The following CDKN1C variants were observed in gnomAD, a reference collection of about 807,000 sequenced individuals.
The protein encoded by CDKN1C is cyclin dependent kinase inhibitor 1C, also known as cyclin-dependent kinase inhibitor 1C.
A neutral mutation model predicts 16.5 loss-of-function variants in CDKN1C; 7 were observed. The ratio of observed to expected loss-of-function variants is 0.42; its 90% CI spans 0.24 to 0.80. The LOEUF is 0.80. Ranked by LOEUF, CDKN1C falls within the 30% of genes least tolerant of loss-of-function variation. The probability of loss-of-function intolerance (pLI) is 0.26; values close to 1 mark genes in which losing one functional copy is unlikely to be tolerated. For synonymous variants in CDKN1C, 288 were observed against 214.4 expected (o/e 1.34, Z -3.00); for missense variants, 429 against 437.3 (o/e 0.98, Z 0.17).
In CDKN1C at chr11:2,884,850, G is replaced by T. The variant is rs562237921; in HGVS notation, c.607C>A (p.Pro203Thr). The T allele has an allele frequency of 3.5e-6, 4 of 1,136,614 alleles. No homozygotes were observed. Among genetic ancestry groups the T allele is most frequent in the Admixed American group, 4.9e-5 (1 of 20,592 alleles). The allele number at this position is 1,136,614 out of a possible 1,614,324, so 70.4% of individuals were successfully genotyped here. ...TCTTGAGGCGCCGCGTCCGGGGCCG[G>T]GGCCGGGGCGGGGGCCGGGGCCGGG... Reference protein sequence around the residue: ...PAPAPAPAPAPAPDAAPQESA... With the variant: ...PAPAPAPAPATAPDAAPQESA... Residue 203 changes from proline to threonine, a missense_variant, in exon 2 of 4, where the codon CCG (proline) becomes ACG (threonine). Pro to Thr is a conservative substitution (Grantham distance 38). Transcript: ENST00000440480.
chr11:2,883,824 T>C lies in CDKN1C; in HGVS notation c.*97A>G. ...GCTGCTCTGCGGCAGCCGCCGCCGG[T>C]TGCTGCTACATGAACGGTCCCAGCC... On this transcript the variant is annotated 3_prime_UTR_variant, in exon 4 of 4. Transcript: ENST00000440480. 1.3e-6 allele frequency: 2 copies of C among 1,527,508 alleles called. No individual in the cohort carries two copies. Among genetic ancestry groups the C allele is most frequent in the Non-Finnish European group, 1.8e-6 (2 of 1,141,058 alleles). 94.6% of individuals were successfully genotyped at this position (1,527,508 alleles called of 1,614,324 possible).
In CDKN1C at chr11:2,883,706, A is replaced by G; in HGVS notation, c.*215T>C. On this transcript the variant is annotated 3_prime_UTR_variant, in exon 4 of 4. Transcript: ENST00000440480. The stretch of plus-strand genomic sequence containing the variant: ...GACTCTTAAAGCTTTACACCTTGGG[A>G]CCAGTGTACCTTCTCGTGCAGAATA... 8.4e-7 allele frequency: 1 copy of G among 1,190,280 alleles called. No homozygotes were observed. Among genetic ancestry groups the G allele is most frequent in the Non-Finnish European group, 1.1e-6 (1 of 903,298 alleles). 73.7% of individuals were successfully genotyped at this position (1,190,280 alleles called of 1,614,324 possible).
Position 2,885,430 on chromosome 11 carries a change from G to A in CDKN1C, c.27C>T (p.Thr9=). 1 of 1,549,250 alleles carries A rather than the reference G, an allele frequency of 6.5e-7. No homozygotes were observed. The highest frequency in any genetic ancestry group is 8.7e-7 in the Non-Finnish European group (1 of 1,149,346). Residue 9 remains threonine, a synonymous_variant, in exon 2 of 4, where the codon ACC becomes ACT. Transcript: ENST00000440480. ...CGCTGGTGCGCACTAGTACTGGGAA[G>A]GTCCCACGGGCGACAAGACGCTCCA... MERLVARG[T]FPVLVRTSAC...
Position 2,883,601 on chromosome 11 carries a change from T to A in CDKN1C, c.*320A>T. 1 of 541,226 alleles carries A rather than the reference T, an allele frequency of 1.8e-6. No homozygotes were observed. Among genetic ancestry groups the A allele is most frequent in the Non-Finnish European group, 2.9e-6 (1 of 344,300 alleles). 33.5% of individuals were successfully genotyped at this position (541,226 alleles called of 1,614,324 possible). A position where few individuals can be genotyped will look rare whatever the true frequency, so the allele number is the denominator to read the frequency against. ...AACTTTTTGTACAAATATACATGGT[T>A]TTTTTATTTTTTCCTTTTTTTTTTC... On this transcript the variant is annotated 3_prime_UTR_variant, in exon 4 of 4. Coordinates refer to ENST00000440480, the MANE Select transcript of CDKN1C (RefSeq NM_001122630.2).
At position 2,883,942 on chromosome 11, in the gene CDKN1C, G is replaced by GCCGGCGGGGAC. The variant is rs372424726; in HGVS notation, c.*6-38_*6-28dup. ...TGCGAGGAGAGGGGCGGTCAGCAAAGCCGGCGGGGACCCGGCGGGTCGGCC... is the reference window on the plus strand; with the variant it reads ...TGCGAGGAGAGGGGCGGTCAGCAAAGCCGGCGGGGACCCGGCGGGGACCCGGCGGGTCGGCC... On this transcript the variant is annotated intron_variant, in intron 3 of 3. Transcript: ENST00000440480. 4.6e-3 allele frequency: 7,307 copies of GCCGGCGGGGAC among 1,587,486 alleles called. 19 individuals are homozygous for GCCGGCGGGGAC. The highest frequency in any genetic ancestry group is 5.9e-3 in the Non-Finnish European group (6,837 of 1,168,404).
In CDKN1C at chr11:2,884,905, G is replaced by A. The variant is rs1590149737; in HGVS notation, c.552C>T (p.Val184=). The change falls in exon 2 of 4, where the codon GTC becomes GTT. Residue 184 remains valine (V), a synonymous_variant. Transcript: ENST00000440480. The stretch of plus-strand genomic sequence containing the variant: ...GGGCCGGGGCTGGGGCCGGGGCCGC[G>A]ACTGGAGCCGGGGCCGGAGCCGGAG... ...APAPAPAPAP[V]AAPAPAPAPA... 2 of 873,232 alleles carry A rather than the reference G, an allele frequency of 2.3e-6. No homozygotes were observed. Among genetic ancestry groups the A allele is most frequent in the Non-Finnish European group, 1.4e-6 (1 of 718,836 alleles). 54.1% of individuals were successfully genotyped at this position (873,232 alleles called of 1,614,324 possible). A position where few individuals can be genotyped will look rare whatever the true frequency, so the allele number is the denominator to read the frequency against.
chr11:2,885,585 G>A (rs1848989986), intron 1 of CDKN1C, 49 bp downstream of exon 1: 5 of 1,447,418 alleles, frequency 3.5e-6, no homozygotes, highest in South Asian at 1.3e-5. Context: ...GGGCGCAAGG[G>A]AGACCCCGCG....
Position 2,885,111 on chromosome 11 carries a change from C to T in CDKN1C, c.346G>A (p.Asp116Asn), listed in dbSNP as rs1848960618. ...PPLEPAAESL[D>N]GLEEAPEQLP... ...TGCTCCGGCGCCTCCTCGAGGCCGT[C>T]GAGGGACTCAGCGGCCGGCTCGAGG... The change falls in exon 2 of 4, where the codon GAC becomes AAC. Residue 116 changes from aspartate (D) to asparagine (N), a missense_variant. Physicochemically the swap from Asp to Asn is conservative, Grantham distance 23. Transcript: ENST00000440480. 1 of 1,458,300 alleles carries T rather than the reference C, an allele frequency of 6.9e-7. No homozygotes were observed. The highest frequency in any genetic ancestry group is 2.4e-4 in the Middle Eastern group (1 of 4,238). 90.3% of individuals were successfully genotyped at this position (1,458,300 alleles called of 1,614,324 possible).
chr11:2,884,217 G>C (rs1241069540), intron 2 of CDKN1C, 83 bp from the exon 3 acceptor site: 145 of 1,105,092 alleles, frequency 1.3e-4, no homozygotes, highest in Non-Finnish European at 1.5e-4. Context: ...CGCGGGGCGC[G>C]GGCCGGCCGG....
At position 2,883,426 on chromosome 11, in the gene CDKN1C, G is replaced by A. The variant is rs1372869763; in HGVS notation, c.*495C>T. ...AGCTTGTGAGTGACCCCCTTCCCCAGAGTCCGCGATGAAAATAAAGTTACA... is the reference window on the plus strand; with the variant it reads ...AGCTTGTGAGTGACCCCCTTCCCCAAAGTCCGCGATGAAAATAAAGTTACA... On this transcript the variant is annotated 3_prime_UTR_variant, in exon 4 of 4. Transcript: ENST00000440480. 6.1e-6 allele frequency: 1 copy of A among 164,478 alleles called. No individual in the cohort carries two copies. The highest frequency in any genetic ancestry group is 1.3e-5 in the Non-Finnish European group (1 of 76,394). The allele number at this position is 164,478 out of a possible 1,614,324, so 10.2% of individuals were successfully genotyped here. A position where few individuals can be genotyped will look rare whatever the true frequency, so the allele number is the denominator to read the frequency against.
Position 2,885,489 on chromosome 11 carries a change from T to C in CDKN1C, c.-10-23A>G, listed in dbSNP as rs1848984724. Reference sequence around the variant, plus strand: ...GTGCTGCGGAGGGACGCGTCGGACATGGCCCGGGGCTGCGCAAACGCGGGC... The same window carrying C: ...GTGCTGCGGAGGGACGCGTCGGACACGGCCCGGGGCTGCGCAAACGCGGGC... On this transcript the variant is annotated intron_variant, in intron 1 of 3. Transcript: ENST00000440480. 1 of 1,542,266 alleles carries C rather than the reference T, an allele frequency of 6.5e-7. No individual in the cohort carries two copies. The highest frequency in any genetic ancestry group is 8.7e-7 in the Non-Finnish European group (1 of 1,146,726).
chr11:2,884,020 C>A lies in CDKN1C; in HGVS notation c.902G>T (p.Arg301Leu). The A allele has an allele frequency of 1.3e-6, 2 of 1,558,148 alleles. No homozygotes were observed. Among genetic ancestry groups the A allele is most frequent in the African/African-American group, 1.4e-5 (1 of 73,754 alleles). Reference protein sequence around the residue: ...PGVGSVEQTPRKRLR With the variant: ...PGVGSVEQTPLKRLR ...TCACTTGGCTCACCGCAGCCTCTTG[C>A]GCGGGGTCTGCTCCACCGAGCCCAC... is the stretch of plus-strand genomic sequence containing the variant. Residue 301 changes from arginine to leucine, a missense_variant, in exon 3 of 4, where the codon CGC (arginine) becomes CTC (leucine). Arg to Leu is a moderately radical substitution (Grantham distance 102, BLOSUM62 -2). Transcript: ENST00000440480.
rs1848977184 is a variant in CDKN1C at position 2,885,357 on chromosome 11, C to T, written c.100G>A (p.Glu34Lys). 2 of 1,589,388 alleles carry T rather than the reference C, an allele frequency of 1.3e-6. No homozygotes were observed. The highest frequency in any genetic ancestry group is 1.7e-6 in the Non-Finnish European group (2 of 1,170,496). Residue 34 changes from glutamate (E) to lysine (K), a missense_variant, in exon 2 of 4, where the codon GAG becomes AAG. Coordinates refer to ENST00000440480, the MANE Select transcript of CDKN1C (RefSeq NM_001122630.2). ...GPVDHEELSR[E>K]LQARLAELNA... ...AGCTCGGCCAGGCGGGCCTGCAGCTCGCGGCTCAGCTCCTCGTGGTCCACC... is the reference window on the plus strand; with the variant it reads ...AGCTCGGCCAGGCGGGCCTGCAGCTTGCGGCTCAGCTCCTCGTGGTCCACC...
At position 2,885,464 on chromosome 11, in the gene CDKN1C, G is replaced by A. The variant is rs1300493378; in HGVS notation, c.-8C>T. On this transcript the variant is annotated splice_region_variant and 5_prime_UTR_variant, in exon 2 of 4. Transcript: ENST00000440480. ...GGCGACAAGACGCTCCATCGTGGAT[G>A]TGCTGCGGAGGGACGCGTCGGACAT... 4 of 1,545,404 alleles carry A rather than the reference G, an allele frequency of 2.6e-6. No individual in the cohort carries two copies. The highest frequency in any genetic ancestry group is 2.0e-5 in the Admixed American group (1 of 51,046).
chr11:2,883,978 C>CG (rs751324426), intron 3 of CDKN1C, 21 bp downstream of exon 3: 21 of 1,562,668 alleles, frequency 1.3e-5, no homozygotes, highest in East Asian at 2.4e-5. Context: ...CTCCGCGCCC[C>CG]CCCAGGTGCG....
rs757091712 is a variant in CDKN1C, at chr11:2,883,979, C to CA, written c.*5+19_*5+20insT. 7.9e-5 allele frequency: 124 copies of CA among 1,562,174 alleles called. No individual in the cohort carries two copies. Among genetic ancestry groups the CA allele is most frequent in the Non-Finnish European group, 1.0e-4 (118 of 1,154,264 alleles). ...CCGGCGGGTCGGCCCTCCGCGCCCCCCCAGGTGCGCTGTACTCACTTGGCT... is the reference window on the plus strand; with the variant it reads ...CCGGCGGGTCGGCCCTCCGCGCCCCCACCAGGTGCGCTGTACTCACTTGGCT... On this transcript the variant is annotated intron_variant, in intron 3 of 3. Coordinates refer to ENST00000440480, the MANE Select transcript of CDKN1C (RefSeq NM_001122630.2).
chr11:2,885,019 G>A lies in CDKN1C; in HGVS notation c.438C>T (p.Ala146=), dbSNP rs1848951746. 2 of 1,248,670 alleles carry A rather than the reference G, an allele frequency of 1.6e-6. No individual in the cohort carries two copies. The highest frequency in any genetic ancestry group is 2.0e-6 in the Non-Finnish European group (2 of 988,878). The allele number at this position is 1,248,670 out of a possible 1,614,324, so 77.3% of individuals were successfully genotyped here. Residue 146 remains alanine (A), a synonymous_variant, in exon 2 of 4, where the codon GCC becomes GCT. Transcript: ENST00000440480. The part of the protein sequence containing the change: ...TPPPVPVLAP[A]PAPAPAPVAA... The stretch of plus-strand genomic sequence containing the variant: ...CGACCGGAGCCGGAGCCGGGGCCGG[G>A]GCTGGAGCCAGGACCGGGACTGGGG...
rs760540648 is a variant in CDKN1C at position 2,883,979 on chromosome 11, C to A, written c.*5+20G>T. On this transcript the variant is annotated intron_variant, in intron 3 of 3. Coordinates refer to ENST00000440480, the MANE Select transcript of CDKN1C (RefSeq NM_001122630.2). Reference sequence around the variant, plus strand: ...CCGGCGGGTCGGCCCTCCGCGCCCCCCCAGGTGCGCTGTACTCACTTGGCT... The same window carrying A: ...CCGGCGGGTCGGCCCTCCGCGCCCCACCAGGTGCGCTGTACTCACTTGGCT... The A allele has an allele frequency of 5.9e-5, 92 of 1,562,176 alleles. No individual in the cohort carries two copies. Among genetic ancestry groups the A allele is most frequent in the Non-Finnish European group, 7.4e-5 (85 of 1,154,264 alleles).
In CDKN1C at chr11:2,883,623, TTTC is replaced by T; in HGVS notation, c.*295_*297del. 1 of 593,240 alleles carries T rather than the reference TTTC, an allele frequency of 1.7e-6. No homozygotes were observed. Among genetic ancestry groups the T allele is most frequent in the Non-Finnish European group, 2.5e-6 (1 of 393,128 alleles). The allele number at this position is 593,240 out of a possible 1,614,324, so 36.7% of individuals were successfully genotyped here. On this transcript the variant is annotated 3_prime_UTR_variant, in exon 4 of 4. Transcript: ENST00000440480. ...GGTTTTTTTATTTTTTCCTTTTTTT[TTTC>T]TTTTTTCTTTTTTTTGCACTGAGTT...
Sources: allele counts gnomAD v4.1 joint callset, GRCh38; gene constraint gnomAD v4.1.1; transcripts MANE v1.5; gene names NCBI Gene and HGNC (gene_info 2026-07-23, HGNC 2026-07-21).